Variants in SDHC observed in about 807,000 individuals in gnomAD.
SDHC encodes the protein succinate dehydrogenase complex subunit C, also known as succinate dehydrogenase cytochrome b560 subunit, mitochondrial.
A neutral mutation model predicts 22.6 loss-of-function variants in SDHC; 11 were observed. That is an observed-to-expected ratio of 0.49 (90% CI 0.31 to 0.81). The LOEUF (loss-of-function observed/expected upper bound fraction) is 0.81. Ranked by LOEUF, SDHC falls within the 30% of genes least tolerant of loss-of-function variation. The probability of loss-of-function intolerance (pLI) is 0.05; values close to 1 mark genes in which losing one functional copy is unlikely to be tolerated. For missense variants in SDHC, 160 were observed against 212.0 expected, an observed-to-expected ratio of 0.75 and a Z score of 1.52; for synonymous variants, 80 against 77.8, an observed-to-expected ratio of 1.03 and a Z score of -0.15.
At chr1:161,344,821 G>A (rs1671839200) in intron 4 of SDHC, among the ~76,000 whole-genome samples, 1 of 152,162 alleles carries the variant, frequency 6.6e-6, no homozygotes, top group South Asian at 2.1e-4. Context: ...AAACAAGGAT[G>A]AAAAACATGA....
chr1:161,336,397 G>A (rs757064795), intron 3 of SDHC, among the ~76,000 whole-genome samples: 26 of 152,094 alleles, frequency 1.7e-4, no homozygotes, highest in African/African-American at 2.9e-4. Flanking sequence ...GGAGGTTGCA[G>A]TGAGCCAAGA....
intron 3 of SDHC, among the ~76,000 whole-genome samples, chr1:161,338,915 C>T (rs1224081442): frequency 6.6e-6 from 1 of 152,086 alleles, no homozygotes; most frequent in Non-Finnish European, 1.5e-5. Flanking sequence ...GTGGCGTGAT[C>T]TCCATTTACG....
intron 1 of SDHC, among the ~76,000 whole-genome samples, chr1:161,319,643 C>T (rs1670769843): frequency 1.3e-5 from 2 of 152,020 alleles, no homozygotes; most frequent in Admixed American, 1.3e-4. Flanking sequence ...GGTGGGGTTT[C>T]ACCATGTCGG....
At chr1:161,344,425 C>A (rs1671825368) in intron 4 of SDHC, among the ~76,000 whole-genome samples, 1 of 151,932 alleles carries the variant, frequency 6.6e-6, no homozygotes, top group African/African-American at 2.4e-5. Flanking sequence ...CCACTGCACT[C>A]CAGCCTGATG....
chr1:161,339,446 G>A, intron 3 of SDHC: 1 of 444,194 alleles, frequency 2.3e-6, no homozygotes. Context: ...GCCTCCCAAA[G>A]TACTAGGATT....
Position 161,362,756 on chromosome 1 carries a change from T to C in SDHC, c.*323T>C. On this transcript the variant is annotated 3_prime_UTR_variant, in exon 6 of 6. Transcript: ENST00000367975. ...CTGAGGGTCAGCTTTTGGCTCCTTC[T>C]TCCTGAGACAGTGGAAACAATGCCA... 1.9e-6 allele frequency: 1 copy of C among 538,868 alleles called. No homozygotes were observed. The highest frequency in any genetic ancestry group is 2.1e-5 in the South Asian group (1 of 48,364). 33.4% of individuals were successfully genotyped at this position (538,868 alleles called of 1,614,324 possible).
intron 2 of SDHC, among the ~76,000 whole-genome samples, chr1:161,324,202 A>T (rs1346948704): frequency 6.6e-6 from 1 of 152,162 alleles, no homozygotes; most frequent in Non-Finnish European, 1.5e-5. Flanking sequence ...CAGTGGTATG[A>T]TCAGGGCTTG....
intron 3 of SDHC, chr1:161,339,476 C>A: frequency 2.9e-6 from 2 of 682,362 alleles, no homozygotes; most frequent in Non-Finnish European, 2.2e-6. Flanking sequence ...AGCCACCATG[C>A]CAGCTCCAAC....
At position 161,314,411 on chromosome 1, in the gene SDHC, T is replaced by C. The variant is rs775353334; in HGVS notation, c.6T>C (p.Ala2=). M[A]ALLLRHVGRH... ...CGTCCAGACCGGAACCCAAGATGGC[T>C]GCGCTGTTGCTGAGGTGACTTCAGT... Residue 2 remains alanine (A), a synonymous_variant, in exon 1 of 6, where the codon GCT becomes GCC. Coordinates refer to ENST00000367975, the MANE Select transcript of SDHC (RefSeq NM_003001.5). 3.7e-6 allele frequency: 6 copies of C among 1,613,326 alleles called. No homozygotes were observed. The highest frequency in any genetic ancestry group is 5.1e-6 in the Non-Finnish European group (6 of 1,180,008).
intron 5 of SDHC, among the ~76,000 whole-genome samples, chr1:161,360,564 A>T (rs1286933318): frequency 1.4e-5 from 2 of 139,756 alleles, no homozygotes; most frequent in Non-Finnish European, 3.1e-5. Context: ...TCAAAAAATT[A>T]AAAAAAAAAA....
intron 4 of SDHC, among the ~76,000 whole-genome samples, chr1:161,346,173 T>C (rs995058966): frequency 2.0e-5 from 3 of 152,168 alleles, no homozygotes; most frequent in Non-Finnish European, 4.4e-5. Context: ...TATTTACCAT[T>C]CATACCCTCT....
At chr1:161,346,284 A>G (rs903034869) in intron 4 of SDHC, among the ~76,000 whole-genome samples, 4 of 152,084 alleles carry the variant, frequency 2.6e-5, no homozygotes, top group African/African-American at 9.7e-5. Context: ...CATTTTTCCC[A>G]CCTTCTAATT....
chr1:161,324,998 C>T (rs535326528), intron 2 of SDHC, among the ~76,000 whole-genome samples: 32 of 151,972 alleles, frequency 2.1e-4, no homozygotes, highest in Non-Finnish European at 2.6e-4. Context: ...GCCAGGAGTT[C>T]AAGACCAGCC....
chr1:161,355,845 A>G (rs1033367264), intron 4 of SDHC, among the ~76,000 whole-genome samples: 2 of 151,832 alleles, frequency 1.3e-5, no homozygotes, highest in African/African-American at 4.8e-5. Flanking sequence ...TTAGCGAGGC[A>G]TGGTGGCATG....
chr1:161,343,272 G>GT, intron 4 of SDHC, among the ~76,000 whole-genome samples: 1 of 152,316 alleles, frequency 6.6e-6, no homozygotes, highest in Middle Eastern at 3.4e-3. Flanking sequence ...AGTGGCTCTA[G>GT]TGTAGGGATC....
At chr1:161,354,805 G>A (rs1370016950) in intron 4 of SDHC, among the ~76,000 whole-genome samples, 1 of 151,410 alleles carries the variant, frequency 6.6e-6, no homozygotes, top group Non-Finnish European at 1.5e-5. Flanking sequence ...CACCTCCCAG[G>A]TTCAAGAGTT....
chr1:161,347,420 A>T (rs1429642726), intron 4 of SDHC, among the ~76,000 whole-genome samples: 4 of 151,288 alleles, frequency 2.6e-5, no homozygotes, highest in Non-Finnish European at 5.9e-5. Context: ...TGCCAAACTA[A>T]TTTTTTTTGT....
chr1:161,344,187 G>A (rs1489600658), intron 4 of SDHC, among the ~76,000 whole-genome samples: 1 of 152,228 alleles, frequency 6.6e-6, no homozygotes, highest in East Asian at 1.9e-4. Context: ...CTGCTTGGGA[G>A]GCTGAGGCAG....
At chr1:161,331,794 G>A (rs1306442894) in intron 3 of SDHC, among the ~76,000 whole-genome samples, 3 of 150,316 alleles carry the variant, frequency 2.0e-5, no homozygotes, top group Admixed American at 6.6e-5. Flanking sequence ...ACGGGGTTTC[G>A]CTATGTTGGC....
Sources: gnomAD v4.1 joint callset for allele counts (sites outside exome capture counted in the v4.1 genomes callset) on GRCh38, gnomAD v4.1.1 for gene constraint, MANE v1.5 for transcripts, NCBI Gene and HGNC (gene_info 2026-07-23, HGNC 2026-07-21) for gene names.